The following FER1L6 variants were observed in gnomAD, a reference collection of about 807,000 sequenced individuals.
FER1L6 encodes the protein fer-1-like protein 6.
In FER1L6, 177 loss-of-function variants were observed where a neutral mutation model predicts 219.2. That is an observed-to-expected ratio of 0.81 (90% CI 0.71 to 0.91). The LOEUF (loss-of-function observed/expected upper bound fraction) is 0.91, where lower values mean the gene tolerates loss of function less well. FER1L6 is among the 40% of genes least tolerant of loss of function. The probability of loss-of-function intolerance (pLI) is 0.00; values close to 1 mark genes in which losing one functional copy is unlikely to be tolerated. For missense variants in FER1L6, 2,153 were observed against 2,259.9 expected (o/e 0.95, Z 0.96); for synonymous variants, 768 against 824.3 (o/e 0.93, Z 1.17).
chr8:124,028,958 C>T (rs77064099), intron 18 of FER1L6, among the ~76,000 whole-genome samples: 2,411 of 152,152 alleles, frequency 0.016, 74 homozygotes, highest in African/African-American at 0.055. Context: ...CCCTGACAGG[C>T]CCCGGTGTGT....
chr8:123,854,171 T>C (rs73703690), intron 1 of FER1L6, among the ~76,000 whole-genome samples: 2,454 of 152,304 alleles, frequency 0.016, 55 homozygotes, highest in African/African-American at 0.056. Flanking sequence ...TGCCTTATGT[T>C]TGTAAATGAT....
chr8:124,012,277 C>A (rs1345017300), intron 14 of FER1L6, among the ~76,000 whole-genome samples: 1 of 152,214 alleles, frequency 6.6e-6, no homozygotes, highest in Admixed American at 6.5e-5. Context: ...TGGAGATAAA[C>A]TCTGAAAGTG....
At chr8:124,013,404 C>T in intron 14 of FER1L6, 27 bp from the exon 15 acceptor site, 1 of 1,431,140 alleles carries the variant, frequency 7.0e-7, no homozygotes, top group Non-Finnish European at 9.6e-7. Context: ...ACCGCCTCAT[C>T]TCTCCACCCC....
intron 1 of FER1L6, among the ~76,000 whole-genome samples, chr8:123,898,645 ATATATATATATATGTATATATATACG>A (rs888732474): frequency 2.8e-5 from 4 of 143,016 alleles, no homozygotes; most frequent in African/African-American, 1.1e-4. Flanking sequence ...ATTCCATTTT[ATATATATATATATGTATATATATACG>A]TATATATATA....
chr8:123,926,973 G>A (rs2129885963), intron 1 of FER1L6, among the ~76,000 whole-genome samples: 1 of 152,194 alleles, frequency 6.6e-6, no homozygotes, highest in South Asian at 2.1e-4. Flanking sequence ...AGGTGGGCTT[G>A]TAATACATAT....
intron 1 of FER1L6, among the ~76,000 whole-genome samples, chr8:123,874,942 A>G (rs1488397125): frequency 6.6e-6 from 1 of 152,140 alleles, no homozygotes; most frequent in Non-Finnish European, 1.5e-5. Flanking sequence ...TACACCTGTA[A>G]TCCCAGCACT....
intron 1 of FER1L6, among the ~76,000 whole-genome samples, chr8:123,949,761 G>T (rs1814673684): frequency 6.6e-6 from 1 of 152,178 alleles, no homozygotes; most frequent in Non-Finnish European, 1.5e-5. Flanking sequence ...AAGGAAGAAA[G>T]ACCACATGGG....
At chr8:123,960,487 T>C (rs1815221600) in intron 2 of FER1L6, among the ~76,000 whole-genome samples, 2 of 152,336 alleles carry the variant, frequency 1.3e-5, no homozygotes, top group Admixed American at 6.5e-5. Context: ...TACTGTTTCA[T>C]AGGGCTTCCC....
intron 1 of FER1L6, among the ~76,000 whole-genome samples, chr8:123,890,360 A>C (rs1214395022): frequency 6.6e-6 from 1 of 152,088 alleles, no homozygotes; most frequent in Non-Finnish European, 1.5e-5. Flanking sequence ...GAGTAGGAGA[A>C]AAACTGGGGG....
chr8:123,904,110 G>A (rs1049881569), intron 1 of FER1L6, among the ~76,000 whole-genome samples: 24 of 152,114 alleles, frequency 1.6e-4, no homozygotes, highest in African/African-American at 5.6e-4. Flanking sequence ...GCCTGAAAGG[G>A]TGTGATTGGC....
rs1326789693 is a variant in FER1L6 at position 123,980,785 on chromosome 8, G to A, written c.1384G>A (p.Val462Met). The part of the protein sequence containing the change: ...SNKTNSTEVE[V>M]ESFDVPPEIV... The stretch of plus-strand genomic sequence containing the variant: ...CAAAACTAACTCAACCGAGGTGGAG[G>A]TGGAATCGTTCGATGTCCCCCCGGA... Residue 462 changes from valine to methionine, a missense_variant, in exon 11 of 41, where the codon GTG becomes ATG. Val to Met is a conservative substitution (Grantham distance 21). Coordinates refer to ENST00000522917, the MANE Select transcript of FER1L6 (RefSeq NM_001039112.2). 1.2e-6 allele frequency: 2 copies of A among 1,614,026 alleles called. No homozygotes were observed. The highest frequency in any genetic ancestry group is 1.7e-6 in the Non-Finnish European group (2 of 1,179,970).
intron 14 of FER1L6, among the ~76,000 whole-genome samples, chr8:124,011,530 T>C (rs1320583649): frequency 6.6e-6 from 1 of 152,092 alleles, no homozygotes; most frequent in African/African-American, 2.4e-5. Flanking sequence ...TTAAAATATT[T>C]TGTAGAGATA....
At chr8:124,081,437 G>A (rs564428842) in intron 32 of FER1L6, among the ~76,000 whole-genome samples, 1 of 152,072 alleles carries the variant, frequency 6.6e-6, no homozygotes, top group South Asian at 2.1e-4. Flanking sequence ...TCTCAGATTG[G>A]CCTGATTGAT....
At chr8:124,039,565 T>G (rs1271994840) in intron 19 of FER1L6, among the ~76,000 whole-genome samples, 1 of 152,204 alleles carries the variant, frequency 6.6e-6, no homozygotes, top group Non-Finnish European at 1.5e-5. Flanking sequence ...TGAAAGTCTT[T>G]TAACCTGGTT....
intron 1 of FER1L6, among the ~76,000 whole-genome samples, chr8:123,925,200 A>C (rs1427973471): frequency 1.3e-5 from 2 of 152,198 alleles, no homozygotes; most frequent in East Asian, 3.8e-4. Context: ...GTTAGGAGGG[A>C]GACAGTCTAG....
chr8:123,906,402 T>C (rs1051784329), intron 1 of FER1L6, among the ~76,000 whole-genome samples: 2 of 152,170 alleles, frequency 1.3e-5, no homozygotes, highest in Non-Finnish European at 1.5e-5. Context: ...GAGTGACATA[T>C]ATCCAATATG....
chr8:124,045,237 G>A (rs916926532), intron 20 of FER1L6, among the ~76,000 whole-genome samples: 3 of 152,202 alleles, frequency 2.0e-5, no homozygotes, highest in African/African-American at 7.2e-5. Flanking sequence ...TCTACATGGC[G>A]AGAGTGGGTG....
intron 12 of FER1L6, among the ~76,000 whole-genome samples, chr8:123,997,127 G>A (rs995383881): frequency 6.6e-6 from 1 of 151,972 alleles, no homozygotes; most frequent in African/African-American, 2.4e-5. Context: ...ATGATTTCTT[G>A]TTGCTCATTA....
At position 123,975,292 on chromosome 8, in the gene FER1L6, G is replaced by A; in HGVS notation, c.669G>A (p.Glu223=). ...LKTSPKTSDT[E]EPIEKNLLIP... ...CCAGCCCTAAAACTTCTGACACCGA[G>A]GAGCCAATAGAAAAGTAAGACAGGT... The change falls in exon 8 of 41, where the codon GAG becomes GAA. Residue 223 remains glutamate, a synonymous_variant. Transcript: ENST00000522917. The A allele has an allele frequency of 1.2e-6, 2 of 1,609,370 alleles. No individual in the cohort carries two copies. The highest frequency in any genetic ancestry group is 2.2e-5 in the East Asian group (1 of 44,710).
Sources: allele counts gnomAD v4.1 joint callset (sites outside exome capture counted in the v4.1 genomes callset), GRCh38; gene constraint gnomAD v4.1.1; transcripts MANE v1.5; gene names NCBI Gene and HGNC (gene_info 2026-07-23, HGNC 2026-07-21).